Variants in ZNF69 observed in about 807,000 individuals in gnomAD.
ZNF69 encodes the protein ZNF3.
A neutral mutation model predicts 50.9 loss-of-function variants in ZNF69; 47 were observed. The observed-to-expected ratio is 0.92, with a 90% CI of 0.73 to 1.18. The LOEUF is 1.18. Among genes scored for constraint, ZNF69 ranks in the 50% most tolerant of loss-of-function variants. The pLI, the probability that ZNF69 is intolerant of heterozygous loss-of-function variation, is 0.00. For synonymous variants in ZNF69, 216 were observed against 223.1 expected (o/e 0.97, Z 0.29); for missense variants, 717 against 675.1 (o/e 1.06, Z -0.69).
chr19:11,965,447 CCT>C, the ZNF69 span, among the ~76,000 whole-genome samples: 1 of 152,196 alleles, frequency 6.6e-6, no homozygotes, highest in African/African-American at 2.4e-5. Context: ...GCCCCGGAGC[CCT>C]CTCTGGGCAG....
the ZNF69 span, among the ~76,000 whole-genome samples, chr19:11,969,310 C>T: frequency 0.056 from 8,584 of 152,176 alleles, 771 homozygotes; most frequent in African/African-American, 0.19. Context: ...TTATCACGTT[C>T]GCCAGGCTGG....
the ZNF69 span, among the ~76,000 whole-genome samples, chr19:11,943,157 G>A: frequency 6.6e-6 from 1 of 152,092 alleles, no homozygotes; most frequent in Non-Finnish European, 1.5e-5. Flanking sequence ...CCTAGTGCTG[G>A]AAACCATTTT....
At chr19:11,947,753 C>T in the ZNF69 span, among the ~76,000 whole-genome samples, 356 of 152,302 alleles carry the variant, frequency 2.3e-3, no homozygotes, top group Middle Eastern at 0.014. Context: ...CTCCTGTAAT[C>T]CCAGTCCTTT....
At chr19:11,948,339 C>G in the ZNF69 span, 1 of 1,613,792 alleles carries the variant, frequency 6.2e-7, no homozygotes. Context: ...AAACTTTTAC[C>G]CAGGTTCCAG....
chr19:11,904,078 G>T, intron 3 of ZNF69, 113 bp downstream of exon 3: 1 of 1,339,966 alleles, frequency 7.5e-7, no homozygotes. Flanking sequence ...TTTATTTTTA[G>T]AATATTTGAT....
chr19:11,935,233 G>GTTTT, the ZNF69 span, among the ~76,000 whole-genome samples: 17 of 93,206 alleles, frequency 1.8e-4, no homozygotes, highest in East Asian at 6.8e-4. Context: ...GAAAGATCTT[G>GTTTT]TTTTTTTTTT....
chr19:11,919,538 C>T, the ZNF69 span, among the ~76,000 whole-genome samples: 1 of 152,084 alleles, frequency 6.6e-6, no homozygotes, highest in Non-Finnish European at 1.5e-5. Context: ...CATGAGGATC[C>T]CTTGAGCCCA....
the ZNF69 span, among the ~76,000 whole-genome samples, chr19:11,971,324 C>T: frequency 1.3e-5 from 2 of 152,234 alleles, no homozygotes; most frequent in Admixed American, 6.5e-5. Context: ...TAATCTCATT[C>T]GGAAAGCATC....
At chr19:11,893,807 A>G (rs964755993) in intron 1 of ZNF69, among the ~76,000 whole-genome samples, 1 of 152,090 alleles carries the variant, frequency 6.6e-6, no homozygotes, top group Non-Finnish European at 1.5e-5. Context: ...TACATAACCA[A>G]TTCTTGGGGT....
the ZNF69 span, among the ~76,000 whole-genome samples, chr19:11,921,322 A>G: frequency 2.6e-5 from 4 of 152,028 alleles, no homozygotes; most frequent in African/African-American, 9.7e-5. Flanking sequence ...GGCACATGCC[A>G]CTATGCCCGG....
chr19:11,960,720 CTTGT>C, the ZNF69 span, among the ~76,000 whole-genome samples: 16 of 151,846 alleles, frequency 1.1e-4, no homozygotes, highest in African/African-American at 3.9e-4. Context: ...ATTATGACTA[CTTGT>C]TTTTCTTTCT....
the ZNF69 span, among the ~76,000 whole-genome samples, chr19:11,942,444 T>G: frequency 6.6e-6 from 1 of 152,052 alleles, no homozygotes; most frequent in Admixed American, 6.6e-5. Context: ...AGGCAGCTCG[T>G]TTTTCTCCCT....
the ZNF69 span, chr19:11,948,743 A>G: frequency 1.4e-5 from 23 of 1,612,516 alleles, no homozygotes; most frequent in Admixed American, 5.1e-5. Context: ...TATCTTATCC[A>G]TGAAAGAACT....
intron 1 of ZNF69, among the ~76,000 whole-genome samples, chr19:11,894,070 C>T (rs1208207927): frequency 6.6e-6 from 1 of 152,202 alleles, no homozygotes; most frequent in Non-Finnish European, 1.5e-5. Flanking sequence ...AGTCATTGAG[C>T]ACTTCTCCTT....
At chr19:11,954,999 T>A in the ZNF69 span, among the ~76,000 whole-genome samples, 1 of 121,540 alleles carries the variant, frequency 8.2e-6, no homozygotes, top group African/African-American at 4.3e-5. Flanking sequence ...CAAAAAAATT[T>A]TTTTTTTTTT....
In ZNF69 at chr19:11,905,209, C is replaced by A; in HGVS notation, c.812C>A (p.Thr271Asn). The change falls in exon 4 of 4, where the codon ACT (threonine) becomes AAT (asparagine). Residue 271 changes from threonine to asparagine, a missense_variant. Thr to Asn is a moderately conservative substitution (Grantham distance 65, BLOSUM62 0). Transcript: ENST00000429654. The stretch of plus-strand genomic sequence containing the variant: ...CTTCGAATACACGAAAGAACTCACA[C>A]TGGAGAAAAGCCTTATGAATGTCAG... ...ATLRIHERTHTGEKPYECQQC... is the reference protein window; with the variant it reads ...ATLRIHERTHNGEKPYECQQC... The A allele has an allele frequency of 1.2e-6, 2 of 1,614,126 alleles. No individual in the cohort carries two copies. Among genetic ancestry groups the A allele is most frequent in the Non-Finnish European group, 8.5e-7 (1 of 1,180,028 alleles).
intron 1 of ZNF69, among the ~76,000 whole-genome samples, chr19:11,888,796 C>T (rs956741553): frequency 1.3e-5 from 2 of 151,928 alleles, no homozygotes; most frequent in Non-Finnish European, 2.9e-5. Flanking sequence ...GGTGAAACCC[C>T]GTCTCTACTA....
chr19:11,888,003 G>A lies in ZNF69; in HGVS notation c.63+17G>A. On this transcript the variant is annotated intron_variant, in intron 1 of 3. Transcript: ENST00000429654. The stretch of plus-strand genomic sequence containing the variant: ...CAGGAAATGGTGCGTGTCTGGGGCC[G>A]GGTGTCGTGAGACGGGGGAGGGGCT... 6 of 1,610,076 alleles carry A rather than the reference G, an allele frequency of 3.7e-6. No individual in the cohort carries two copies. The highest frequency in any genetic ancestry group is 4.2e-6 in the Non-Finnish European group (5 of 1,177,344).
At chr19:11,931,726 A>T in the ZNF69 span, among the ~76,000 whole-genome samples, 1 of 148,006 alleles carries the variant, frequency 6.8e-6, no homozygotes, top group Admixed American at 6.6e-5. Flanking sequence ...TTTTCCATTT[A>T]TTGCATTTTA....
Sources: allele counts gnomAD v4.1 joint callset (sites outside exome capture counted in the v4.1 genomes callset), GRCh38; gene constraint gnomAD v4.1.1; transcripts MANE v1.5; gene names NCBI Gene and HGNC (gene_info 2026-07-23, HGNC 2026-07-21).